ASTN2: variants seen among roughly 807,000 people sequenced by gnomAD.
ASTN2 encodes the protein astrotactin-2.
A neutral mutation model predicts 139.8 loss-of-function variants in ASTN2; 54 were observed. That is an observed-to-expected ratio of 0.39 (90% CI 0.31 to 0.48). The LOEUF is 0.48. ASTN2 is among the 20% of genes least tolerant of loss of function. The pLI is 0.95. For synonymous variants in ASTN2, 756 were observed against 719.5 expected, an observed-to-expected ratio of 1.05 and a Z score of -0.81; for missense variants, 1,565 against 1,725.1, an observed-to-expected ratio of 0.91 and a Z score of 1.64.
intron 5 of ASTN2, among the ~76,000 whole-genome samples, chr9:117,080,932 T>C (rs999190799): frequency 6.6e-6 from 1 of 152,150 alleles, no homozygotes; most frequent in Admixed American, 6.6e-5. Context: ...CTGATGCAAT[T>C]TCTTCAAACA....
intron 16 of ASTN2, among the ~76,000 whole-genome samples, chr9:116,718,069 T>A (rs1291787338): frequency 2.0e-5 from 3 of 152,222 alleles, no homozygotes; most frequent in African/African-American, 7.2e-5. Flanking sequence ...AAATGTGAAC[T>A]TACAAACAGG....
Position 117,060,510 on chromosome 9 carries a change from A to AAAGG in ASTN2, c.1277-20549_1277-20546dup, listed in dbSNP as rs1168618485. Among the ~76,000 whole-genome samples, 663 of 81,536 alleles carry AAAGG rather than the reference A, an allele frequency of 8.1e-3. 91 individuals carry two copies. Among genetic ancestry groups the AAAGG allele is most frequent in the African/African-American group, 0.037 (578 of 15,480 alleles). 53.5% of individuals were successfully genotyped at this position (81,536 alleles called of 152,430 possible). ...GAATGAAAGAAAGAAAGAAAGAAAGAAAGGAAGGAAGGAAGGAAGGAAGGA... is the reference window on the plus strand; with the variant it reads ...GAATGAAAGAAAGAAAGAAAGAAAGAAAGGAAGGAAGGAAGGAAGGAAGGAAGGA... On this transcript the variant is annotated intron_variant, in intron 5 of 22. Coordinates refer to ENST00000313400, the MANE Select transcript of ASTN2 (RefSeq NM_001365068.1).
intron 2 of ASTN2, among the ~76,000 whole-genome samples, chr9:117,269,540 C>T (rs1000973337): frequency 6.6e-6 from 1 of 152,110 alleles, no homozygotes; most frequent in South Asian, 2.1e-4. Context: ...AACAATGGTG[C>T]TTCGGGGAAG....
chr9:117,258,876 T>C (rs1239893362), intron 2 of ASTN2, among the ~76,000 whole-genome samples: 2 of 152,082 alleles, frequency 1.3e-5, no homozygotes, highest in African/African-American at 2.4e-5. Flanking sequence ...CACACCAAAG[T>C]AGTAGATCCT....
chr9:117,068,938 G>C, intron 5 of ASTN2, among the ~76,000 whole-genome samples: 1 of 101,996 alleles, frequency 9.8e-6, no homozygotes. Flanking sequence ...TATCAATTTT[G>C]TTGATCCTTT....
At chr9:117,413,898 C>T (rs1156570277) in intron 1 of ASTN2, among the ~76,000 whole-genome samples, 1 of 152,158 alleles carries the variant, frequency 6.6e-6, no homozygotes, top group East Asian at 1.9e-4. Context: ...GTCTCTCCAG[C>T]CCTATTTCAC....
chr9:116,803,522 ATTTTTTTT>A (rs1158429877), intron 13 of ASTN2, among the ~76,000 whole-genome samples: 7 of 21,134 alleles, frequency 3.3e-4, no homozygotes, highest in African/African-American at 1.1e-3. Context: ...ATATATATAT[ATTTTTTTT>A]TTTTTTTTTT....
At chr9:116,500,018 C>T (rs1470222836) in intron 19 of ASTN2, among the ~76,000 whole-genome samples, 1 of 152,118 alleles carries the variant, frequency 6.6e-6, no homozygotes, top group African/African-American at 2.4e-5. Context: ...ATCACTTTAT[C>T]TATCTGCCAG....
intron 7 of ASTN2, among the ~76,000 whole-genome samples, chr9:117,002,475 T>C (rs1837219375): frequency 6.6e-6 from 1 of 152,108 alleles, no homozygotes; most frequent in Non-Finnish European, 1.5e-5. Context: ...AGGGATGATG[T>C]TGGAGATGTG....
chr9:116,465,305 C>T (rs752792450), intron 20 of ASTN2, among the ~76,000 whole-genome samples: 3 of 152,132 alleles, frequency 2.0e-5, no homozygotes, highest in Non-Finnish European at 4.4e-5. Context: ...GAAGATAAGC[C>T]TTTCTGGTCG....
intron 3 of ASTN2, among the ~76,000 whole-genome samples, chr9:117,146,887 C>G (rs1830210489): frequency 6.6e-6 from 1 of 152,018 alleles, no homozygotes; most frequent in Non-Finnish European, 1.5e-5. Flanking sequence ...TTTCAAATAG[C>G]TAGAAGAGAG....
intron 19 of ASTN2, among the ~76,000 whole-genome samples, chr9:116,517,823 T>C (rs556442882): frequency 2.2e-4 from 34 of 152,184 alleles, no homozygotes; most frequent in Admixed American, 5.2e-4. Context: ...CAATCACAAC[T>C]TCTGGAAATC....
At chr9:117,246,543 T>C (rs1357100656) in intron 2 of ASTN2, among the ~76,000 whole-genome samples, 3 of 152,212 alleles carry the variant, frequency 2.0e-5, no homozygotes, top group African/African-American at 7.2e-5. Flanking sequence ...AAATGACTTG[T>C]AATTTGTAAA....
rs1418260073 is a variant in ASTN2, at chr9:117,414,334, C to T, written c.442+163G>A. On this transcript the variant is annotated intron_variant, in intron 1 of 22. Transcript: ENST00000313400. The surrounding 1 kb of genome is among the most constrained non-coding windows in gnomAD (Gnocchi z 4.2). ...TCTCCAGGACCTCCTCCCACATGCT[C>T]GTTTCCAACCACCTGTGCGACCTCT... is the stretch of plus-strand genomic sequence containing the variant. 1.3e-5 allele frequency among the ~76,000 whole-genome samples: 2 copies of T among 152,170 alleles called. No homozygotes were observed. The highest frequency in any genetic ancestry group is 1.5e-5 in the Non-Finnish European group (1 of 68,020).
chr9:116,988,096 G>A (rs949515505), intron 7 of ASTN2, among the ~76,000 whole-genome samples: 1 of 152,186 alleles, frequency 6.6e-6, no homozygotes, highest in Non-Finnish European at 1.5e-5. Flanking sequence ...ACTGTAGAAA[G>A]GAAACTGTGG....
At chr9:117,167,408 T>A (rs999924865) in intron 3 of ASTN2, among the ~76,000 whole-genome samples, 2 of 152,164 alleles carry the variant, frequency 1.3e-5, no homozygotes, top group African/African-American at 4.8e-5. Flanking sequence ...TGAGATGATT[T>A]GAATACATTT....
intron 1 of ASTN2, among the ~76,000 whole-genome samples, chr9:117,349,144 A>G (rs1046027115): frequency 2.6e-5 from 4 of 152,188 alleles, no homozygotes; most frequent in African/African-American, 9.6e-5. Context: ...TCCAAACGGT[A>G]TGCTCATGCA....
At chr9:116,934,825 C>A (rs1227846910) in intron 10 of ASTN2, among the ~76,000 whole-genome samples, 11 of 152,072 alleles carry the variant, frequency 7.2e-5, no homozygotes, top group African/African-American at 2.2e-4. Context: ...ATGGCACAGA[C>A]AAATGATGGT....
chr9:116,788,295 T>C (rs977799901), intron 13 of ASTN2, among the ~76,000 whole-genome samples: 1 of 152,196 alleles, frequency 6.6e-6, no homozygotes. Context: ...TAATGGATTA[T>C]ATATTTCAAA....
Sources: allele counts gnomAD v4.1 joint callset (sites outside exome capture counted in the v4.1 genomes callset), GRCh38; gene constraint gnomAD v4.1.1; non-coding constraint Gnocchi (gnomAD v3.1); transcripts MANE v1.5; gene names NCBI Gene and HGNC (gene_info 2026-07-23, HGNC 2026-07-21).